Variants in ACTR3B observed in about 807,000 individuals in gnomAD.
The protein encoded by ACTR3B is actin-related protein 3B.
A neutral mutation model predicts 59.0 loss-of-function variants in ACTR3B; 8 were observed. That is an observed-to-expected ratio of 0.14 (90% CI 0.08 to 0.24). The LOEUF (loss-of-function observed/expected upper bound fraction) is 0.24. Ranked by LOEUF, ACTR3B falls within the 10% of genes least tolerant of loss-of-function variation. The probability of loss-of-function intolerance (pLI) is 1.00; values close to 1 mark genes in which losing one functional copy is unlikely to be tolerated. For missense variants in ACTR3B, 245 were observed against 552.3 expected (o/e 0.44, Z 5.58); for synonymous variants, 148 against 197.9 (o/e 0.75, Z 2.12).
chr7:152,760,638 A>C (rs1340436117), intron 1 of ACTR3B, among the ~76,000 whole-genome samples: 5 of 152,130 alleles, frequency 3.3e-5, no homozygotes, highest in Admixed American at 3.3e-4. Context: ...AAATACCCTA[A>C]ATTTGGGAGA....
chr7:152,831,878 G>A (rs973847409), intron 9 of ACTR3B, among the ~76,000 whole-genome samples: 6 of 152,158 alleles, frequency 3.9e-5, no homozygotes, highest in African/African-American at 1.4e-4. Flanking sequence ...CTGGGGCTCC[G>A]AGGAAAGACA....
chr7:152,766,287 C>G, intron 1 of ACTR3B, among the ~76,000 whole-genome samples: 1 of 152,190 alleles, frequency 6.6e-6, no homozygotes, highest in East Asian at 1.9e-4. Context: ...TGTGACAACA[C>G]GTGTGCAATG....
intron 1 of ACTR3B, among the ~76,000 whole-genome samples, chr7:152,766,924 C>T (rs1479253043): frequency 6.6e-6 from 1 of 152,030 alleles, no homozygotes; most frequent in Non-Finnish European, 1.5e-5. Flanking sequence ...GTAGCTGGGA[C>T]TACAGGTGCA....
chr7:152,768,786 A>G (rs781477675), intron 1 of ACTR3B, among the ~76,000 whole-genome samples: 6 of 151,360 alleles, frequency 4.0e-5, no homozygotes, highest in South Asian at 2.1e-4. Context: ...AGGAGATACA[A>G]TCTTTATAAG....
intron 1 of ACTR3B, among the ~76,000 whole-genome samples, chr7:152,766,158 A>C (rs2116496816): frequency 6.6e-6 from 1 of 152,292 alleles, no homozygotes; most frequent in East Asian, 1.9e-4. Flanking sequence ...AAAATGTACA[A>C]AGCAAAAACA....
chr7:152,780,616 C>T (rs994486434), intron 1 of ACTR3B, among the ~76,000 whole-genome samples: 2 of 151,670 alleles, frequency 1.3e-5, no homozygotes, highest in African/African-American at 4.9e-5. Flanking sequence ...CTGACCTTTT[C>T]CTGCTGTGGG....
chr7:152,788,018 A>G (rs945856976), intron 2 of ACTR3B, among the ~76,000 whole-genome samples: 26 of 151,968 alleles, frequency 1.7e-4, no homozygotes, highest in Admixed American at 1.5e-3. Context: ...TCCGCCTCCC[A>G]GGTTCAAATG....
intron 4 of ACTR3B, among the ~76,000 whole-genome samples, chr7:152,803,390 G>C (rs1157652734): frequency 6.6e-6 from 1 of 152,188 alleles, no homozygotes; most frequent in Non-Finnish European, 1.5e-5. Flanking sequence ...GAAACTGACT[G>C]TGTGTGAGTG....
At chr7:152,843,369 G>T (rs990128354) in intron 9 of ACTR3B, among the ~76,000 whole-genome samples, 11 of 152,196 alleles carry the variant, frequency 7.2e-5, no homozygotes, top group Admixed American at 2.6e-4. Context: ...TATATGAAAT[G>T]AGAAAGTAAA....
intron 4 of ACTR3B, among the ~76,000 whole-genome samples, chr7:152,807,711 C>T (rs1246081581): frequency 2.6e-5 from 4 of 152,188 alleles, no homozygotes; most frequent in Non-Finnish European, 4.4e-5. Context: ...TTTACATTTG[C>T]ATTTTTGATA....
chr7:152,820,955 A>G (rs1056872414), intron 7 of ACTR3B, among the ~76,000 whole-genome samples: 3 of 152,210 alleles, frequency 2.0e-5, no homozygotes, highest in Non-Finnish European at 4.4e-5. Context: ...ACTTCTCCTC[A>G]CTGCCTTCCT....
rs191786047 is a variant in ACTR3B, at chr7:152,824,522, A to T, written c.859-508A>T. On this transcript the variant is annotated intron_variant, in intron 8 of 11. Transcript: ENST00000256001. The surrounding 1 kb of genome is among the most constrained non-coding windows in gnomAD (Gnocchi z 4.2). ...CTATGGCTGTTTATTCAATAACATG[A>T]TTATCATGTGGATTGTTTCATGTTA... 6.6e-6 allele frequency among the ~76,000 whole-genome samples: 1 copy of T among 152,340 alleles called. No individual in the cohort carries two copies. The highest frequency in any genetic ancestry group is 2.4e-5 in the African/African-American group (1 of 41,574).
At chr7:152,761,576 G>C (rs1563064533) in intron 1 of ACTR3B, among the ~76,000 whole-genome samples, 1 of 152,144 alleles carries the variant, frequency 6.6e-6, no homozygotes, top group Non-Finnish European at 1.5e-5. Flanking sequence ...AATGTAACTT[G>C]GCTAACTTGG....
chr7:152,851,110 G>T (rs551749220), intron 9 of ACTR3B, among the ~76,000 whole-genome samples: 10 of 152,282 alleles, frequency 6.6e-5, no homozygotes, highest in Non-Finnish European at 1.2e-4. Flanking sequence ...TATATACTGT[G>T]TTTTTTCTTG....
chr7:152,759,815 G>T lies in ACTR3B; in HGVS notation c.-68G>T. On this transcript the variant is annotated 5_prime_UTR_variant, in exon 1 of 12. Transcript: ENST00000256001. Reference sequence around the variant, plus strand: ...GAGACGCTGCGCGCGGGGCTAGCGGGCGGCGGAGCGGACGGCGACGGGGCG... The same window carrying T: ...GAGACGCTGCGCGCGGGGCTAGCGGTCGGCGGAGCGGACGGCGACGGGGCG... The T allele has an allele frequency of 8.7e-7, 1 of 1,147,052 alleles. No homozygotes were observed. Among genetic ancestry groups the T allele is most frequent in the East Asian group, 3.8e-5 (1 of 26,614 alleles). The allele number at this position is 1,147,052 out of a possible 1,614,324, so 71.1% of individuals were successfully genotyped here. A position where few individuals can be genotyped will look rare whatever the true frequency, so the allele number is the denominator to read the frequency against.
At chr7:152,760,960 A>C (rs1338774356) in intron 1 of ACTR3B, among the ~76,000 whole-genome samples, 2 of 152,140 alleles carry the variant, frequency 1.3e-5, no homozygotes, top group Non-Finnish European at 2.9e-5. Context: ...TGGCATGTTC[A>C]CCTTACCCTT....
intron 9 of ACTR3B, among the ~76,000 whole-genome samples, chr7:152,846,892 G>A (rs1205711452): frequency 4.2e-5 from 6 of 144,018 alleles, no homozygotes; most frequent in African/African-American, 7.9e-5. Context: ...GAGCCCCAGC[G>A]CCCGGGCTGT....
rs2098116808 is a variant in ACTR3B, at chr7:152,768,662, G to A, written c.44+8736G>A. On this transcript the variant is annotated intron_variant, in intron 1 of 11. Transcript: ENST00000256001. ...CAGCTAATTTTTTATATTTAGTAGA[G>A]ACGGGGTTCCACCATGTTGGCCAGG... Among the ~76,000 whole-genome samples the A allele has an allele frequency of 3.3e-5, 5 of 152,146 alleles. No individual in the cohort carries two copies. The South Asian group carries it at 1.0e-3, about 32-fold the overall frequency.
chr7:152,791,156 G>A (rs549957232), intron 2 of ACTR3B, among the ~76,000 whole-genome samples: 8 of 151,822 alleles, frequency 5.3e-5, no homozygotes, highest in East Asian at 1.9e-4. Context: ...GATTACTGAC[G>A]TGTGCCACCA....
Sources: allele counts gnomAD v4.1 joint callset (sites outside exome capture counted in the v4.1 genomes callset), GRCh38; gene constraint gnomAD v4.1.1; non-coding constraint Gnocchi (gnomAD v3.1); transcripts MANE v1.5; gene names NCBI Gene and HGNC (gene_info 2026-07-23, HGNC 2026-07-21).